The following MAST3 variants were observed in gnomAD, a reference collection of about 807,000 sequenced individuals.
MAST3 encodes the protein microtubule-associated serine/threonine-protein kinase 3.
In MAST3, 43 loss-of-function variants were observed where a neutral mutation model predicts 127.0. The observed-to-expected ratio is 0.34, with a 90% confidence interval of 0.27 to 0.44. The LOEUF is 0.44. Ranked by LOEUF, MAST3 falls within the 20% of genes least tolerant of loss-of-function variation. The pLI is 1.00. For missense variants in MAST3, 1,390 were observed against 1,919.1 expected, an observed-to-expected ratio of 0.72 and a Z score of 5.15; for synonymous variants, 785 against 809.2, an observed-to-expected ratio of 0.97 and a Z score of 0.51.
chr19:18,141,700 ACT>A (rs974519825), intron 20 of MAST3, among the ~76,000 whole-genome samples, 180 bp from the exon 21 acceptor site: 33 of 151,146 alleles, frequency 2.2e-4, no homozygotes, highest in African/African-American at 7.8e-4. Context: ...CACCTTTGTT[ACT>A]GGTTTTTTTG....
chr19:18,098,774 C>G, intron 1 of MAST3: 3 of 456,688 alleles, frequency 6.6e-6, no homozygotes, highest in Non-Finnish European at 1.3e-5. Flanking sequence ...ATTTATGGAG[C>G]GCCTGCTGTG....
rs115711901 is a variant in MAST3, at chr19:18,136,011, C to G, written c.1972+170C>G. The stretch of plus-strand genomic sequence containing the variant: ...TGCACAGGAGTTCTCCAGGAACTAT[C>G]ACAAGACCTTGGAAAGAATAGAAAG... On this transcript the variant is annotated intron_variant, in intron 18 of 27. Coordinates refer to ENST00000687212, the MANE Select transcript of MAST3 (RefSeq NM_001393504.1). Among the ~76,000 whole-genome samples the G allele has an allele frequency of 3.3e-3, 506 of 152,266 alleles. 2 individuals are homozygous for G. Among genetic ancestry groups the G allele is most frequent in the African/African-American group, 0.012 (491 of 41,568 alleles).
At position 18,150,875 on chromosome 19, in the gene MAST3, G is replaced by A. The variant is rs2043482125; in HGVS notation, c.*1149G>A. The A allele has an allele frequency of 6.6e-6, 1 of 152,306 alleles. No homozygotes were observed. Among genetic ancestry groups the A allele is most frequent in the Non-Finnish European group, 1.5e-5 (1 of 68,084 alleles). 9.4% of individuals were successfully genotyped at this position (152,306 alleles called of 1,614,324 possible). A position where few individuals can be genotyped will look rare whatever the true frequency, so the allele number is the denominator to read the frequency against. On this transcript the variant is annotated 3_prime_UTR_variant, in exon 28 of 28. Coordinates refer to ENST00000687212, the MANE Select transcript of MAST3 (RefSeq NM_001393504.1). The stretch of plus-strand genomic sequence containing the variant: ...AGGCAGCCTCCAGAAATGCTCGGCT[G>A]TCTCGGGGCACGCTCCAGTATGCCA...
At chr19:18,101,128 A>G (rs1422568180) in intron 1 of MAST3, among the ~76,000 whole-genome samples, 1 of 152,070 alleles carries the variant, frequency 6.6e-6, no homozygotes. Flanking sequence ...TACTACTATT[A>G]TCTTATTACA....
At chr19:18,136,231 A>G (rs2147520769) in intron 18 of MAST3, among the ~76,000 whole-genome samples, 1 of 152,258 alleles carries the variant, frequency 6.6e-6, no homozygotes, top group East Asian at 1.9e-4. Flanking sequence ...GCTCCTGTTC[A>G]TGACTGAGGC....
Position 18,128,438 on chromosome 19 carries a change from C to G in MAST3, c.1117C>G (p.Pro373Ala), listed in dbSNP as rs535330582. 321 of 1,557,030 alleles carry G rather than the reference C, an allele frequency of 2.1e-4. 5 individuals carry two copies. The South Asian group carries it at 3.6e-3, about 17-fold the overall frequency. ...PLSHLEEEQPPAPESPESRAL... is the reference protein window; with the variant it reads ...PLSHLEEEQPAAPESPESRAL... Reference sequence around the variant, plus strand: ...GAGTCACCTCGAAGAAGAACAGCCCCCAGCACCTGAGTCCCCAGAGGTGAG... The same window carrying G: ...GAGTCACCTCGAAGAAGAACAGCCCGCAGCACCTGAGTCCCCAGAGGTGAG... The change falls in exon 12 of 28, where the codon CCA becomes GCA. Residue 373 changes from proline to alanine, a missense_variant. Pro to Ala is a conservative substitution (Grantham distance 27). Around this residue, in one of 5 missense-constraint regions of MAST3, gnomAD observed 277 missense variants for 384.8 expected, o/e 0.72. Coordinates refer to ENST00000687212, the MANE Select transcript of MAST3 (RefSeq NM_001393504.1).
At chr19:18,146,359 C>T (rs978262463) in intron 25 of MAST3, among the ~76,000 whole-genome samples, 3 of 152,116 alleles carry the variant, frequency 2.0e-5, no homozygotes, top group African/African-American at 4.8e-5. Context: ...GTGAGAGGAT[C>T]GCTTGGGCCG....
intron 2 of MAST3, among the ~76,000 whole-genome samples, chr19:18,109,794 G>A (rs970438215): frequency 6.6e-6 from 1 of 152,192 alleles, no homozygotes; most frequent in Admixed American, 6.5e-5. Flanking sequence ...GCGGAGACCC[G>A]AGCGGGTTAG....
intron 3 of MAST3, 95 bp from the exon 4 acceptor site, chr19:18,121,590 C>A: frequency 9.3e-7 from 1 of 1,079,354 alleles, no homozygotes; most frequent in Non-Finnish European, 1.4e-6. Flanking sequence ...TCCCATCCTT[C>A]TCCAGAACGG....
intron 11 of MAST3, among the ~76,000 whole-genome samples, 164 bp downstream of exon 11, chr19:18,124,938 C>CCCA (rs544514568): frequency 6.6e-5 from 9 of 136,076 alleles, no homozygotes; most frequent in East Asian, 2.0e-4. Context: ...GAAACCCCCC[C>CCCA]CCTACTAAAA....
chr19:18,128,329 C>T, intron 11 of MAST3, 71 bp from the exon 12 acceptor site: 1 of 1,323,498 alleles, frequency 7.6e-7, no homozygotes, highest in African/African-American at 1.5e-5. Context: ...CTCTAGAGGC[C>T]TCAGGAAATT....
rs748716932 is a variant in MAST3 at position 18,124,597 on chromosome 19, C to A, written c.946-45C>A. On this transcript the variant is annotated intron_variant, in intron 10 of 27. Coordinates refer to ENST00000687212, the MANE Select transcript of MAST3 (RefSeq NM_001393504.1). ...AGGGAACAGCATGTGCAGAGGCCTG[C>A]AGGTGGAACCAAGCCCTGGGTGACC... 4 of 1,526,358 alleles carry A rather than the reference C, an allele frequency of 2.6e-6. No homozygotes were observed. The East Asian group carries it at 7.4e-5, about 28-fold the overall frequency. The allele number at this position is 1,526,358 out of a possible 1,614,324, so 94.6% of individuals were successfully genotyped here. A position where few individuals can be genotyped will look rare whatever the true frequency, so the allele number is the denominator to read the frequency against.
intron 3 of MAST3, among the ~76,000 whole-genome samples, chr19:18,118,723 T>A (rs2039602085): frequency 1.3e-5 from 2 of 151,970 alleles, no homozygotes; most frequent in Admixed American, 6.6e-5. Context: ...GCTCTTGGAG[T>A]CTCAGTTTCC....
intron 13 of MAST3, 156 bp downstream of exon 13, chr19:18,129,107 G>A: frequency 3.0e-6 from 2 of 665,354 alleles, no homozygotes; most frequent in Non-Finnish European, 5.3e-6. Context: ...GGGGGAAGTG[G>A]AGACACGCCA....
At chr19:18,121,161 T>C (rs111723852) in intron 3 of MAST3, among the ~76,000 whole-genome samples, 2,068 of 152,082 alleles carry the variant, frequency 0.014, 30 homozygotes, top group Non-Finnish European at 0.02. Context: ...CAGCCTTGTT[T>C]TTGTTTTTTT....
chr19:18,134,542 C>G, intron 15 of MAST3, 37 bp from the exon 16 acceptor site: 2 of 1,573,302 alleles, frequency 1.3e-6, no homozygotes, highest in Non-Finnish European at 1.7e-6. Flanking sequence ...GGCACCCCAG[C>G]CCCCCAGCTC....
chr19:18,131,852 G>C, intron 14 of MAST3, 57 bp from the exon 15 acceptor site: 3 of 1,486,190 alleles, frequency 2.0e-6, no homozygotes, highest in Non-Finnish European at 2.7e-6. Context: ...TAACCTAAGG[G>C]GCGGGCGGGG....
chr19:18,118,190 G>C, intron 3 of MAST3: 2 of 985,448 alleles, frequency 2.0e-6, no homozygotes, highest in Non-Finnish European at 2.4e-6. Context: ...CTACTGGACG[G>C]CGGTGGCGGC....
intron 18 of MAST3, among the ~76,000 whole-genome samples, 161 bp from the exon 19 acceptor site, chr19:18,137,078 T>C (rs976700474): frequency 3.3e-5 from 5 of 152,156 alleles, no homozygotes; most frequent in African/African-American, 1.2e-4. Flanking sequence ...CTTCTTGGCC[T>C]CCCAAAGTGC....
Sources: gnomAD v4.1 joint callset for allele counts (sites outside exome capture counted in the v4.1 genomes callset) on GRCh38, gnomAD v4.1.1 for gene constraint, gnomAD v4.1.1 regional missense constraint, MANE v1.5 for transcripts, NCBI Gene and HGNC (gene_info 2026-07-23, HGNC 2026-07-21) for gene names.